The following RADX variants were observed in gnomAD, a reference collection of about 807,000 sequenced individuals.
RADX encodes the protein RPA-related protein RADX.
Under a neutral mutation model 61.6 loss-of-function variants are expected in RADX, and 36 were observed. The observed-to-expected ratio is 0.58, with a 90% confidence interval of 0.45 to 0.77. The LOEUF (loss-of-function observed/expected upper bound fraction) is 0.77, where lower values mean the gene tolerates loss of function less well. RADX is among the 30% of genes least tolerant of loss of function. The probability of loss-of-function intolerance (pLI) is 0.00; values close to 1 mark genes in which losing one functional copy is unlikely to be tolerated. For missense variants in RADX, 497 were observed against 651.1 expected, an observed-to-expected ratio of 0.76 and a Z score of 2.58; for synonymous variants, 272 against 237.9, an observed-to-expected ratio of 1.14 and a Z score of -1.32.
intron 9 of RADX, 106 bp downstream of exon 9, chrX:106,639,793 T>A (rs771994874): frequency 6.4e-6 from 4 of 624,340 alleles, no homozygotes; most frequent in Non-Finnish European, 6.9e-6. Flanking sequence ...TGACTCTTAA[T>A]AATGTAAGCC....
At chrX:106,642,018 A>G (rs185551260) in intron 10 of RADX, among the ~76,000 whole-genome samples, 26 of 111,716 alleles carry the variant, frequency 2.3e-4, no homozygotes, top group Non-Finnish European at 2.6e-4. Flanking sequence ...AAAAATTCCA[A>G]TCTTTTAGAG....
chrX:106,631,701 CAAA>C (rs751122251), intron 3 of RADX, among the ~76,000 whole-genome samples: 2 of 24,265 alleles, frequency 8.2e-5, no homozygotes, highest in Admixed American at 5.4e-4. Context: ...AAGGCCCTGT[CAAA>C]AAAAAAAAAA....
intron 10 of RADX, among the ~76,000 whole-genome samples, chrX:106,645,132 A>G (rs1198821016): frequency 1.8e-5 from 2 of 110,448 alleles, no homozygotes; most frequent in Non-Finnish European, 3.8e-5. Flanking sequence ...TTCATTTCTA[A>G]TTTAATTTAT....
chrX:106,625,664 A>G (rs1446603870), intron 3 of RADX, among the ~76,000 whole-genome samples: 2 of 111,751 alleles, frequency 1.8e-5, no homozygotes, highest in African/African-American at 6.5e-5. Context: ...AGACTTACAT[A>G]AAAGTTGAAA....
chrX:106,649,867 T>C (rs1927753139), intron 11 of RADX, among the ~76,000 whole-genome samples: 2 of 111,365 alleles, frequency 1.8e-5, no homozygotes, highest in African/African-American at 6.5e-5. Context: ...AAAAACATTA[T>C]AATATAAGTA....
chrX:106,629,944 T>A (rs1022349484), intron 3 of RADX, among the ~76,000 whole-genome samples: 3 of 112,150 alleles, frequency 2.7e-5, no homozygotes, highest in Non-Finnish European at 5.6e-5. Context: ...AGCATTTTAA[T>A]AGATACACAA....
At chrX:106,669,512 A>G (rs1163671889) in intron 13 of RADX, among the ~76,000 whole-genome samples, 182 bp downstream of exon 13, 1 of 112,005 alleles carries the variant, frequency 8.9e-6, no homozygotes, top group African/African-American at 3.2e-5. Context: ...AATAAATTGA[A>G]TAGCTGTTTC....
intron 1 of RADX, among the ~76,000 whole-genome samples, chrX:106,619,156 A>T (rs1475940244): frequency 9.0e-6 from 1 of 110,531 alleles, no homozygotes; most frequent in African/African-American, 3.3e-5. Context: ...AAAAAATTTT[A>T]TGGGTACATA....
chrX:106,669,015 A>G lies in RADX; in HGVS notation c.2270-148A>G, dbSNP rs917979519. On this transcript the variant is annotated intron_variant, in intron 12 of 13. Transcript: ENST00000372548. Reference sequence around the variant, plus strand: ...ATACCATGTATTCATAAATTGCAATACTAGGAGTTTAGTCTCCAGTTTTCA... The same window carrying G: ...ATACCATGTATTCATAAATTGCAATGCTAGGAGTTTAGTCTCCAGTTTTCA... 5 of 500,059 alleles carry G rather than the reference A, an allele frequency of 1.0e-5. No homozygotes were observed. In the African/African-American group the frequency reaches 1.2e-4, roughly 12 times the overall value. The allele number at this position is 500,059 out of a possible 1,213,427, so 41.2% of individuals were successfully genotyped here.
chrX:106,619,466 A>C (rs1174273134), intron 1 of RADX, among the ~76,000 whole-genome samples: 18 of 111,831 alleles, frequency 1.6e-4, no homozygotes, highest in Non-Finnish European at 2.3e-4. Context: ...AAGTGGTACA[A>C]TTTCTATACT....
rs1927494937 is a variant in RADX, at chrX:106,640,832, A to G, written c.1904+111A>G. On this transcript the variant is annotated intron_variant, in intron 10 of 13. Coordinates refer to ENST00000372548, the MANE Select transcript of RADX (RefSeq NM_018015.6). The stretch of plus-strand genomic sequence containing the variant: ...GCTGTATTAATTTGTTAGGGCCCCC[A>G]TAACAAAATACCACAACTGAGTGAC... 7 of 496,215 alleles carry G rather than the reference A, an allele frequency of 1.4e-5. No homozygotes were observed. In the South Asian group the frequency reaches 3.9e-4, roughly 27 times the overall value. 40.9% of individuals were successfully genotyped at this position (496,215 alleles called of 1,213,427 possible).
At chrX:106,662,363 T>G (rs1928122667) in intron 12 of RADX, 58 bp downstream of exon 12, 2 of 1,039,189 alleles carry the variant, frequency 1.9e-6, no homozygotes, top group Non-Finnish European at 2.6e-6. Context: ...ATATACCTAC[T>G]ATTTCGCTTT....
chrX:106,678,304 T>A lies in RADX; in HGVS notation c.*46T>A. ...TACAGATTATACGAGTGTACTGCTTTAAAGATATTCCATCATTTTGCTGGT... is the reference window on the plus strand; with the variant it reads ...TACAGATTATACGAGTGTACTGCTTAAAAGATATTCCATCATTTTGCTGGT... On this transcript the variant is annotated 3_prime_UTR_variant, in exon 14 of 14. Coordinates refer to ENST00000372548, the MANE Select transcript of RADX (RefSeq NM_018015.6). 1 of 901,723 alleles carries A rather than the reference T, an allele frequency of 1.1e-6. No homozygotes were observed. The highest frequency in any genetic ancestry group is 1.5e-6 in the Non-Finnish European group (1 of 646,407). The allele number at this position is 901,723 out of a possible 1,213,427, so 74.3% of individuals were successfully genotyped here.
At chrX:106,673,321 A>G (rs1928413381) in intron 13 of RADX, among the ~76,000 whole-genome samples, 1 of 110,082 alleles carries the variant, frequency 9.1e-6, no homozygotes, top group Non-Finnish European at 1.9e-5. Context: ...TTCAGGGCCC[A>G]AGGGCTCTTC....
At chrX:106,627,587 A>G (rs972503500) in intron 3 of RADX, among the ~76,000 whole-genome samples, 1 of 110,850 alleles carries the variant, frequency 9.0e-6, no homozygotes, top group East Asian at 2.9e-4. Flanking sequence ...GAAATTTTGT[A>G]CCCTTTGATC....
At chrX:106,631,679 G>A (rs1253491610) in intron 3 of RADX, among the ~76,000 whole-genome samples, 1 of 100,852 alleles carries the variant, frequency 9.9e-6, no homozygotes, top group Non-Finnish European at 2.0e-5. Flanking sequence ...ACTCCAGCCT[G>A]GGCAACAGAG....
chrX:106,612,464 A>G lies in RADX; in HGVS notation c.384A>G (p.Gln128=). Residue 128 remains glutamine, a synonymous_variant, in exon 1 of 14, where the codon CAA becomes CAG. Coordinates refer to ENST00000372548, the MANE Select transcript of RADX (RefSeq NM_018015.6). ...AAAATATTCTTAAAGTTGGCATTCAAATGAGAATTTCCAGGGTCTCATGTC... is the reference window on the plus strand; with the variant it reads ...AAAATATTCTTAAAGTTGGCATTCAGATGAGAATTTCCAGGGTCTCATGTC... ...VYQNILKVGI[Q]MRISRVSCLY... 1 of 1,211,659 alleles carries G rather than the reference A, an allele frequency of 8.3e-7. No homozygotes were observed.
chrX:106,650,808 C>T (rs1927774738), intron 11 of RADX, among the ~76,000 whole-genome samples: 1 of 111,276 alleles, frequency 9.0e-6, no homozygotes, highest in African/African-American at 3.3e-5. Context: ...AAAAGGTATC[C>T]ACACACACAC....
At chrX:106,638,743 A>C (rs1158313714) in intron 8 of RADX, 1 of 111,999 alleles carries the variant, frequency 8.9e-6, no homozygotes, top group Non-Finnish European at 1.9e-5. Context: ...GGGATGTTCA[A>C]CCTATAAATA....
Sources: gnomAD v4.1 joint callset for allele counts (sites outside exome capture counted in the v4.1 genomes callset) on GRCh38, gnomAD v4.1.1 for gene constraint, MANE v1.5 for transcripts, NCBI Gene and HGNC (gene_info 2026-07-23, HGNC 2026-07-21) for gene names.